The following IL1RAPL1 variants were observed in gnomAD, a reference collection of about 807,000 sequenced individuals.
The protein encoded by IL1RAPL1 is interleukin 1 receptor accessory protein like 1.
Under a neutral mutation model 48.4 loss-of-function variants are expected in IL1RAPL1, and 3 were observed. The ratio of observed to expected loss-of-function variants is 0.06; its 90% confidence interval spans 0.03 to 0.16. The LOEUF is 0.16. Among genes scored for constraint, IL1RAPL1 ranks in the 10% least tolerant of loss-of-function variants. The pLI, the probability that IL1RAPL1 is intolerant of heterozygous loss-of-function variation, is 1.00. For missense variants in IL1RAPL1, 349 were observed against 530.6 expected, an observed-to-expected ratio of 0.66 and a Z score of 3.36; for synonymous variants, 185 against 187.7, an observed-to-expected ratio of 0.99 and a Z score of 0.12.
At chrX:28,703,473 C>T (rs1050844902) in intron 1 of IL1RAPL1, among the ~76,000 whole-genome samples, 5 of 111,138 alleles carry the variant, frequency 4.5e-5, no homozygotes, top group Admixed American at 1.9e-4. Context: ...AGCATAGGTT[C>T]CATTGTATAA....
At chrX:28,935,336 T>C (rs1923990582) in intron 2 of IL1RAPL1, among the ~76,000 whole-genome samples, 2 of 111,458 alleles carry the variant, frequency 1.8e-5, no homozygotes, top group African/African-American at 6.5e-5. Context: ...CTTGGTTATA[T>C]ATATATATGG....
intron 1 of IL1RAPL1, among the ~76,000 whole-genome samples, chrX:28,711,986 C>T (rs1026266755): frequency 1.8e-5 from 2 of 110,547 alleles, no homozygotes; most frequent in African/African-American, 6.6e-5. Flanking sequence ...ATTTGCAGGG[C>T]GAACTTTCAT....
intron 6 of IL1RAPL1, among the ~76,000 whole-genome samples, chrX:29,750,750 T>C (rs1928438436): frequency 1.8e-5 from 2 of 111,972 alleles, no homozygotes; most frequent in African/African-American, 6.5e-5. Flanking sequence ...CACCCTAAGA[T>C]ATTTACAATC....
intron 1 of IL1RAPL1, among the ~76,000 whole-genome samples, chrX:28,737,139 TTCC>T (rs1160249825): frequency 0.07 from 2,023 of 28,940 alleles, 91 homozygotes; most frequent in Non-Finnish European, 0.073. Context: ...CCTTCCTTCC[TTCC>T]TTCCTTCCTT....
chrX:28,694,066 C>T (rs182977491), intron 1 of IL1RAPL1, among the ~76,000 whole-genome samples: 6 of 111,323 alleles, frequency 5.4e-5, no homozygotes, highest in Admixed American at 2.9e-4. Context: ...CACAGAGTCT[C>T]CTTTGGTGGC....
At chrX:28,820,301 C>G (rs1936924157) in intron 2 of IL1RAPL1, among the ~76,000 whole-genome samples, 1 of 108,995 alleles carries the variant, frequency 9.2e-6, no homozygotes, top group Non-Finnish European at 1.9e-5. Flanking sequence ...TGAAAATGAC[C>G]CTCAAGATAA....
At chrX:29,759,888 TG>T (rs1375285552) in intron 6 of IL1RAPL1, among the ~76,000 whole-genome samples, 1 of 111,792 alleles carries the variant, frequency 8.9e-6, no homozygotes, top group Non-Finnish European at 1.9e-5. Context: ...TCATTTCCCT[TG>T]GGGTAATGGC....
chrX:29,801,067 A>AAAC (rs1929887294), intron 6 of IL1RAPL1, among the ~76,000 whole-genome samples: 6 of 92,783 alleles, frequency 6.5e-5, no homozygotes, highest in African/African-American at 2.4e-4. Context: ...AAAAAAAAAA[A>AAAC]AAAAAAAAAA....
chrX:29,130,127 C>T (rs1334720301), intron 2 of IL1RAPL1, among the ~76,000 whole-genome samples: 1 of 111,535 alleles, frequency 9.0e-6, no homozygotes, highest in East Asian at 2.8e-4. Flanking sequence ...AAAGACACTA[C>T]CTTTTCTACA....
At chrX:29,422,400 G>A (rs1352340788) in intron 5 of IL1RAPL1, among the ~76,000 whole-genome samples, 2 of 111,124 alleles carry the variant, frequency 1.8e-5, no homozygotes, top group Non-Finnish European at 3.8e-5. Context: ...TGCCATATTT[G>A]GGGTATCGGT....
intron 2 of IL1RAPL1, among the ~76,000 whole-genome samples, chrX:29,240,526 C>T (rs1411373551): frequency 2.7e-5 from 3 of 109,389 alleles, no homozygotes; most frequent in African/African-American, 6.7e-5. Flanking sequence ...TGAGCCACCT[C>T]GCCCGGCCTT....
At chrX:29,164,016 C>A (rs943229574) in intron 2 of IL1RAPL1, among the ~76,000 whole-genome samples, 4 of 111,383 alleles carry the variant, frequency 3.6e-5, no homozygotes, top group Admixed American at 9.6e-5. Flanking sequence ...GTTTCCTGTT[C>A]ACTTGCCTCT....
At chrX:29,740,122 G>GAAAAAA (rs1172511347) in intron 6 of IL1RAPL1, among the ~76,000 whole-genome samples, 6 of 52,287 alleles carry the variant, frequency 1.1e-4, no homozygotes, top group Non-Finnish European at 1.8e-4. Context: ...CAAAAAAACA[G>GAAAAAA]AAAAAAAAAA....
intron 2 of IL1RAPL1, among the ~76,000 whole-genome samples, chrX:29,076,949 C>A (rs1481807026): frequency 8.9e-6 from 1 of 111,854 alleles, no homozygotes; most frequent in Non-Finnish European, 1.9e-5. Context: ...ATGAGATGAT[C>A]CTAAAAGATT....
At chrX:29,689,433 A>G (rs967999727) in intron 6 of IL1RAPL1, among the ~76,000 whole-genome samples, 1 of 112,240 alleles carries the variant, frequency 8.9e-6, no homozygotes, top group African/African-American at 3.2e-5. Flanking sequence ...TTCTCAATGT[A>G]TTAATAAGAA....
At chrX:28,766,070 G>T (rs991332057) in intron 1 of IL1RAPL1, among the ~76,000 whole-genome samples, 2 of 111,433 alleles carry the variant, frequency 1.8e-5, no homozygotes, top group Non-Finnish European at 3.8e-5. Context: ...TTTCAATGAC[G>T]TATAATCCTT....
intron 2 of IL1RAPL1, chrX:28,941,923 G>C (rs771127581): frequency 1.8e-5 from 2 of 109,244 alleles, no homozygotes; most frequent in South Asian, 8.0e-4. Flanking sequence ...ATTGACTTCT[G>C]TTCTTGGTGG....
chrX:29,364,829 A>G (rs1052016042), intron 3 of IL1RAPL1, among the ~76,000 whole-genome samples: 2 of 110,981 alleles, frequency 1.8e-5, no homozygotes, highest in African/African-American at 6.5e-5. Flanking sequence ...TGTGGGTTTC[A>G]GTGTCCACAG....
At chrX:29,530,316 A>G (rs762868153) in intron 5 of IL1RAPL1, among the ~76,000 whole-genome samples, 65 of 111,634 alleles carry the variant, frequency 5.8e-4, no homozygotes, top group Non-Finnish European at 1.1e-3. Flanking sequence ...TCAAGTTCAC[A>G]TAGTTTATGT....
Sources: allele counts gnomAD v4.1 joint callset (sites outside exome capture counted in the v4.1 genomes callset), GRCh38; gene constraint gnomAD v4.1.1; transcripts MANE v1.5; gene names NCBI Gene and HGNC (gene_info 2026-07-23, HGNC 2026-07-21).